The following AP4S1 variants were observed in gnomAD, a reference collection of about 807,000 sequenced individuals.
The protein encoded by AP4S1 is AP-4 complex subunit sigma-1.
A neutral mutation model predicts 19.8 loss-of-function variants in AP4S1; 23 were observed. That is an observed-to-expected ratio of 1.16 (90% CI 0.84 to 1.65). AP4S1 has a LOEUF of 1.65. Among genes scored for constraint, AP4S1 ranks in the 40% most tolerant of loss-of-function variants. The pLI is 0.00. For synonymous variants in AP4S1, 46 were observed against 54.1 expected, an observed-to-expected ratio of 0.85 and a Z score of 0.66; for missense variants, 166 against 172.8, an observed-to-expected ratio of 0.96 and a Z score of 0.22.
intron 1 of AP4S1, among the ~76,000 whole-genome samples, chr14:31,029,558 C>A (rs566314090): frequency 4.3e-4 from 66 of 152,346 alleles, no homozygotes; most frequent in African/African-American, 1.4e-3. Context: ...TGGCTCATGC[C>A]TGTAATCCCA....
At chr14:31,081,923 C>G (rs989057655) in intron 5 of AP4S1, among the ~76,000 whole-genome samples, 27 of 151,970 alleles carry the variant, frequency 1.8e-4, no homozygotes, top group African/African-American at 6.3e-4. Context: ...TTTTGAACTC[C>G]TCACCTCAGA....
At chr14:31,062,797 C>G (rs1414532548) in intron 1 of AP4S1, among the ~76,000 whole-genome samples, 1 of 151,460 alleles carries the variant, frequency 6.6e-6, no homozygotes, top group African/African-American at 2.4e-5. Context: ...GAAACCCTGT[C>G]TCTACTGAAA....
Position 31,071,736 on chromosome 14 carries a change from G to T in AP4S1, c.226-1169G>T, listed in dbSNP as rs914572972. ...CCCGGCCTAAATTTTTTAAGACATG[G>T]TCTCTCTCCATCACCCAGGCTAGAA... On this transcript the variant is annotated intron_variant, in intron 3 of 5. Coordinates refer to ENST00000542754, the MANE Select transcript of AP4S1 (RefSeq NM_001128126.3). Among the ~76,000 whole-genome samples the T allele has an allele frequency of 8.6e-5, 13 of 151,336 alleles. 1 individual carries two copies. In the East Asian group the frequency reaches 2.6e-3, roughly 30 times the overall value.
intron 4 of AP4S1, among the ~76,000 whole-genome samples, chr14:31,077,739 C>CTTTTTTT (rs71112379): frequency 4.4e-5 from 6 of 135,234 alleles, no homozygotes; most frequent in Non-Finnish European, 4.7e-5. Flanking sequence ...TTTCTTTTTT[C>CTTTTTTT]TTTTTTTTTT....
intron 1 of AP4S1, among the ~76,000 whole-genome samples, chr14:31,061,623 A>C (rs1886443388): frequency 6.6e-6 from 1 of 151,994 alleles, no homozygotes; most frequent in African/African-American, 2.4e-5. Flanking sequence ...TTTGTGAATC[A>C]GTTGCAAGTA....
chr14:31,065,753 G>A lies in AP4S1; in HGVS notation c.-71-373G>A, dbSNP rs575555169. The stretch of plus-strand genomic sequence containing the variant: ...TCGGCTCACTGCAAGCTCCGCCTCC[G>A]GGGTTCACACCATTCCCCTGCCTCA... On this transcript the variant is annotated intron_variant, in intron 1 of 5. Transcript: ENST00000542754. 7.2e-5 allele frequency among the ~76,000 whole-genome samples: 11 copies of A among 152,098 alleles called. No homozygotes were observed. The South Asian group carries it at 1.9e-3, about 26-fold the overall frequency.
intron 1 of AP4S1, among the ~76,000 whole-genome samples, chr14:31,045,880 G>A (rs1328218851): frequency 2.0e-5 from 3 of 151,872 alleles, no homozygotes; most frequent in Non-Finnish European, 4.4e-5. Context: ...GCCAGTCTAG[G>A]AAAGACCAAG....
chr14:31,059,830 C>G (rs2139538531), intron 1 of AP4S1, among the ~76,000 whole-genome samples: 1 of 151,960 alleles, frequency 6.6e-6, no homozygotes, highest in Non-Finnish European at 1.5e-5. Flanking sequence ...CTTGGCCACA[C>G]TGGGCCTGGC....
chr14:31,047,919 C>T (rs939570272), intron 1 of AP4S1, among the ~76,000 whole-genome samples: 3 of 152,080 alleles, frequency 2.0e-5, no homozygotes, highest in Admixed American at 6.6e-5. Flanking sequence ...TCAAGTGATT[C>T]GCTCACCTCG....
At chr14:31,032,542 A>G (rs1475780949) in intron 1 of AP4S1, among the ~76,000 whole-genome samples, 10 of 111,320 alleles carry the variant, frequency 9.0e-5, no homozygotes, top group East Asian at 6.7e-4. Flanking sequence ...TTTTTTTGAG[A>G]TGAAGTCTCA....
At chr14:31,080,389 T>G (rs1887574555) in intron 4 of AP4S1, among the ~76,000 whole-genome samples, 184 bp from the exon 5 acceptor site, 1 of 152,184 alleles carries the variant, frequency 6.6e-6, no homozygotes, top group South Asian at 2.1e-4. Context: ...CAGCCTATAT[T>G]TAAAAAAATT....
intron 1 of AP4S1, among the ~76,000 whole-genome samples, chr14:31,062,737 G>A (rs1040239321): frequency 1.3e-5 from 2 of 151,650 alleles, no homozygotes; most frequent in African/African-American, 4.8e-5. Flanking sequence ...GGAGGCCAAG[G>A]TAGGCGGATC....
intron 1 of AP4S1, among the ~76,000 whole-genome samples, chr14:31,060,300 T>C (rs1886365956): frequency 6.6e-6 from 1 of 152,080 alleles, no homozygotes; most frequent in Admixed American, 6.6e-5. Flanking sequence ...CGGGGCCTAC[T>C]GTGGGACTTG....
intron 1 of AP4S1, among the ~76,000 whole-genome samples, chr14:31,049,887 C>T (rs931261054): frequency 5.9e-5 from 9 of 151,988 alleles, no homozygotes; most frequent in East Asian, 1.9e-4. Context: ...CAGGCATGGA[C>T]GCCATTCCCG....
intron 1 of AP4S1, among the ~76,000 whole-genome samples, chr14:31,043,136 G>T (rs561455401): frequency 2.0e-5 from 3 of 151,666 alleles, no homozygotes; most frequent in Non-Finnish European, 4.4e-5. Context: ...CGGGAGAATC[G>T]CTTGAACTCG....
At chr14:31,082,420 G>C (rs1015975090) in intron 5 of AP4S1, among the ~76,000 whole-genome samples, 4 of 152,042 alleles carry the variant, frequency 2.6e-5, no homozygotes, top group Non-Finnish European at 4.4e-5. Flanking sequence ...CTTCCTACTT[G>C]AACAAGGTAC....
At chr14:31,070,097 C>G (rs902203907) in intron 3 of AP4S1, among the ~76,000 whole-genome samples, 168 bp downstream of exon 3, 1 of 152,066 alleles carries the variant, frequency 6.6e-6, no homozygotes, top group Non-Finnish European at 1.5e-5. Context: ...CAGGTTGAAG[C>G]GATTCCCCTG....
At chr14:31,092,853 T>C in intron 5 of AP4S1, 54 bp from the exon 6 acceptor site, 1 of 1,372,438 alleles carries the variant, frequency 7.3e-7, no homozygotes, top group Non-Finnish European at 9.9e-7. Flanking sequence ...CATAAATTTT[T>C]ACTGAATGTT....
intron 1 of AP4S1, among the ~76,000 whole-genome samples, chr14:31,054,549 G>A (rs1381220893): frequency 1.3e-5 from 2 of 152,044 alleles, no homozygotes; most frequent in Non-Finnish European, 1.5e-5. Context: ...AGGCGTGGTG[G>A]CAGGCACCTG....
Sources: allele counts gnomAD v4.1 joint callset (sites outside exome capture counted in the v4.1 genomes callset), GRCh38; gene constraint gnomAD v4.1.1; transcripts MANE v1.5; gene names NCBI Gene and HGNC (gene_info 2026-07-23, HGNC 2026-07-21).